GRAMD1B: variants seen among roughly 807,000 people sequenced by gnomAD.
GRAMD1B encodes GRAM domain containing 1B.
A neutral mutation model predicts 99.7 loss-of-function variants in GRAMD1B; 37 were observed. That is an observed-to-expected ratio of 0.37 (90% confidence interval 0.29 to 0.49). The LOEUF is 0.49. Among genes scored for constraint, GRAMD1B ranks in the 20% least tolerant of loss-of-function variants. The probability of loss-of-function intolerance (pLI) is 0.98; values close to 1 mark genes in which losing one functional copy is unlikely to be tolerated. For missense variants in GRAMD1B, 888 were observed against 1,009.2 expected, an observed-to-expected ratio of 0.88 and a Z score of 1.63; for synonymous variants, 427 against 387.6, an observed-to-expected ratio of 1.10 and a Z score of -1.19.
At chr11:123,415,417 TG>T (rs1197345638) in intron 1 of GRAMD1B, among the ~76,000 whole-genome samples, 1 of 151,988 alleles carries the variant, frequency 6.6e-6, no homozygotes, top group Non-Finnish European at 1.5e-5. Flanking sequence ...GCCTTTTCTT[TG>T]GGCCCCATTT....
At chr11:123,476,078 G>A (rs547349489) in intron 1 of GRAMD1B, among the ~76,000 whole-genome samples, 2 of 151,818 alleles carry the variant, frequency 1.3e-5, no homozygotes, top group South Asian at 2.1e-4. Flanking sequence ...GAGTGGAGGA[G>A]TGGTTGGCAG....
At chr11:123,612,618 A>G in intron 14 of GRAMD1B, 143 bp from the exon 15 acceptor site, 2 of 688,096 alleles carry the variant, frequency 2.9e-6, no homozygotes, top group South Asian at 3.1e-5. Context: ...TCAGAGGGTG[A>G]GATGGATGTG....
At chr11:123,377,102 C>T (rs887274966) in intron 1 of GRAMD1B, among the ~76,000 whole-genome samples, 11 of 152,174 alleles carry the variant, frequency 7.2e-5, no homozygotes. Flanking sequence ...TGACAAATTA[C>T]ACCTCCCTTT....
Position 123,610,309 on chromosome 11 carries a change from C to T in GRAMD1B, c.1890C>T (p.Thr630=). 1 of 1,613,934 alleles carries T rather than the reference C, an allele frequency of 6.2e-7. No homozygotes were observed. The highest frequency in any genetic ancestry group is 2.2e-5 in the East Asian group (1 of 44,882). ...ACACAATCAATCGCTACACGCTCAC[C>T]CGTGTGGCTCGGAACAAGAGCCGAC... ...YFYTINRYTL[T]RVARNKSRLR... The change falls in exon 14 of 20, where the codon ACC becomes ACT. Residue 630 remains threonine (T), a synonymous_variant. Transcript: ENST00000635736. The surrounding 1 kb of genome is among the most constrained non-coding windows in gnomAD (Gnocchi z 4.1).
chr11:123,435,246 C>T (rs1400074646), intron 1 of GRAMD1B, among the ~76,000 whole-genome samples: 1 of 152,286 alleles, frequency 6.6e-6, no homozygotes, highest in East Asian at 1.9e-4. Flanking sequence ...ACATTCCCCA[C>T]CCCAAATCTC....
chr11:123,478,205 T>C (rs941230353), intron 1 of GRAMD1B, among the ~76,000 whole-genome samples: 1 of 151,738 alleles, frequency 6.6e-6, no homozygotes, highest in African/African-American at 2.4e-5. Flanking sequence ...AGAGATGGGG[T>C]CTCACCAGGT....
At chr11:123,615,513 C>T (rs774009879) in intron 17 of GRAMD1B, among the ~76,000 whole-genome samples, 7 of 152,140 alleles carry the variant, frequency 4.6e-5, no homozygotes, top group Admixed American at 2.6e-4. Flanking sequence ...TGTGAAACCC[C>T]GTCTCTACTA....
rs201070086 is a variant in GRAMD1B at position 123,467,833 on chromosome 11, C to CCTTCCTT, written c.375-12982_375-12981insTTCCTTC. ...TTTCTTTTCTTTTCCCTCCCTCCCT[C>CCTTCCTT]CCTCCCTCCCTTCCTTCCTTCCTTC... is the stretch of plus-strand genomic sequence containing the variant. On this transcript the variant is annotated intron_variant, in intron 1 of 19. Transcript: ENST00000635736. 3.0e-3 allele frequency among the ~76,000 whole-genome samples: 296 copies of CCTTCCTT among 98,912 alleles called. 3 individuals carry two copies. The highest frequency in any genetic ancestry group is 0.01 in the African/African-American group (258 of 25,506). The allele number at this position is 98,912 out of a possible 152,430, so 64.9% of individuals were successfully genotyped here.
At chr11:123,615,265 C>T (rs1451137499) in intron 17 of GRAMD1B, among the ~76,000 whole-genome samples, 1 of 152,200 alleles carries the variant, frequency 6.6e-6, no homozygotes, top group Non-Finnish European at 1.5e-5. Flanking sequence ...GGAGCCCACA[C>T]GTTGGCAGGG....
intron 1 of GRAMD1B, among the ~76,000 whole-genome samples, chr11:123,366,847 TG>T (rs2135707792): frequency 6.6e-6 from 1 of 152,360 alleles, no homozygotes; most frequent in African/African-American, 2.4e-5. Context: ...ATTCTGTTCT[TG>T]TTTATTTCTG....
intron 1 of GRAMD1B, among the ~76,000 whole-genome samples, chr11:123,361,901 G>A (rs575069888): frequency 2.0e-5 from 3 of 152,214 alleles, no homozygotes; most frequent in Admixed American, 6.5e-5. Flanking sequence ...AAACGGGATG[G>A]TAAGTAGGCA....
chr11:123,455,750 C>G (rs1348228099), intron 1 of GRAMD1B, among the ~76,000 whole-genome samples: 1 of 152,140 alleles, frequency 6.6e-6, no homozygotes, highest in Non-Finnish European at 1.5e-5. Context: ...TGTTGATGAT[C>G]TGTCTCTCAT....
chr11:123,615,953 A>G (rs1399302418), intron 17 of GRAMD1B, among the ~76,000 whole-genome samples: 2 of 152,222 alleles, frequency 1.3e-5, no homozygotes, highest in East Asian at 3.8e-4. Context: ...CAACCTTAAT[A>G]TGTCAAATAA....
intron 1 of GRAMD1B, among the ~76,000 whole-genome samples, chr11:123,394,584 T>C (rs1947393477): frequency 6.6e-6 from 1 of 152,240 alleles, no homozygotes; most frequent in Non-Finnish European, 1.5e-5. Context: ...TCTTAGATAA[T>C]TCTTGAGCAT....
At chr11:123,394,057 T>G (rs1947372615) in intron 1 of GRAMD1B, among the ~76,000 whole-genome samples, 2 of 152,202 alleles carry the variant, frequency 1.3e-5, no homozygotes, top group Non-Finnish European at 2.9e-5. Flanking sequence ...AAAAAATGGT[T>G]TAAAGGTTTC....
At chr11:123,467,259 G>C (rs1011321554) in intron 1 of GRAMD1B, among the ~76,000 whole-genome samples, 23 of 152,102 alleles carry the variant, frequency 1.5e-4, no homozygotes, top group African/African-American at 5.6e-4. Flanking sequence ...GAGGTGGGAG[G>C]ATTGCTTGCA....
chr11:123,441,003 A>T (rs373467955), intron 1 of GRAMD1B, among the ~76,000 whole-genome samples: 11 of 152,160 alleles, frequency 7.2e-5, no homozygotes, highest in South Asian at 2.1e-4. Context: ...CCACCATGTG[A>T]GATGTGCCTT....
At chr11:123,620,239 T>C (rs567481127) in intron 19 of GRAMD1B, among the ~76,000 whole-genome samples, 1 of 152,254 alleles carries the variant, frequency 6.6e-6, no homozygotes, top group South Asian at 2.1e-4. Flanking sequence ...TTTGAGAGGC[T>C]GAAGAGGGCA....
intron 1 of GRAMD1B, among the ~76,000 whole-genome samples, chr11:123,397,709 A>G (rs1276960341): frequency 6.6e-6 from 1 of 152,062 alleles, no homozygotes; most frequent in African/African-American, 2.4e-5. Flanking sequence ...GAGTCTTGCT[A>G]TGTAGCCCAG....
Sources: gnomAD v4.1 joint callset for allele counts (sites outside exome capture counted in the v4.1 genomes callset) on GRCh38, gnomAD v4.1.1 for gene constraint, Gnocchi (gnomAD v3.1) non-coding constraint, MANE v1.5 for transcripts, NCBI Gene and HGNC (gene_info 2026-07-23, HGNC 2026-07-21) for gene names.